Variants in PHEX observed in about 807,000 individuals in gnomAD.
The protein encoded by PHEX is phosphate regulating endopeptidase X-linked.
Under a neutral mutation model 68.0 loss-of-function variants are expected in PHEX, and 16 were observed. That is an observed-to-expected ratio of 0.24 (90% CI 0.16 to 0.36). The LOEUF (loss-of-function observed/expected upper bound fraction) is 0.36. PHEX is among the 10% of genes least tolerant of loss of function. The pLI is 1.00. For synonymous variants in PHEX, 208 were observed against 205.1 expected (o/e 1.01, Z -0.12); for missense variants, 480 against 575.5 (o/e 0.83, Z 1.70).
At chrX:22,241,321 G>A (rs1372421586) in intron 20 of PHEX, among the ~76,000 whole-genome samples, 1 of 112,234 alleles carries the variant, frequency 8.9e-6, no homozygotes. Context: ...ACAAGAGAAA[G>A]CAGGAAAGAT....
chrX:22,170,456 A>T (rs779618014), intron 13 of PHEX, among the ~76,000 whole-genome samples: 1 of 111,571 alleles, frequency 9.0e-6, no homozygotes, highest in Non-Finnish European at 1.9e-5. Context: ...GCCTTTCTTC[A>T]TCTGAAGAAT....
chrX:22,152,815 G>A (rs1444194885), intron 12 of PHEX, among the ~76,000 whole-genome samples: 1 of 111,703 alleles, frequency 9.0e-6, no homozygotes. Context: ...TAACACAGAT[G>A]TGTGTATGTT....
chrX:22,176,034 A>G (rs1274342240), intron 13 of PHEX, among the ~76,000 whole-genome samples: 1 of 111,458 alleles, frequency 9.0e-6, no homozygotes, highest in African/African-American at 3.3e-5. Flanking sequence ...TTCTATAACA[A>G]GGTGCTTACT....
At position 22,227,518 on chromosome X, in the gene PHEX, A is replaced by G; in HGVS notation, c.1977A>G (p.Lys659=). ...GLREAFRAYR[K]WINDRRQGLE... ...TCTTCTCTCACCAGGCTTACAGGAA[A>G]TGGATAAATGACAGAAGGCAGGGAC... The change falls in exon 20 of 22, where the codon AAA becomes AAG. Residue 659 remains lysine (K), a synonymous_variant. Transcript: ENST00000379374. The G allele has an allele frequency of 8.3e-7, 1 of 1,199,107 alleles. No homozygotes were observed.
chrX:22,238,236 G>A (rs1004411540), intron 20 of PHEX, among the ~76,000 whole-genome samples: 12 of 112,374 alleles, frequency 1.1e-4, no homozygotes, highest in Non-Finnish European at 1.5e-4. Context: ...TGAGGTACCC[G>A]GTTCATCTCA....
At chrX:22,144,749 GA>G (rs56273956) in intron 12 of PHEX, among the ~76,000 whole-genome samples, 132 of 97,837 alleles carry the variant, frequency 1.3e-3, no homozygotes, top group Non-Finnish European at 1.6e-3. Context: ...TCTTTTTTTT[GA>G]AAAAAAAAAA....
rs185034806 is a variant in PHEX at position 22,178,841 on chromosome X, T to C, written c.1586+465T>C. On this transcript the variant is annotated intron_variant, in intron 14 of 21. Coordinates refer to ENST00000379374, the MANE Select transcript of PHEX (RefSeq NM_000444.6). ...TGATAGCTATATTGTTTTTATCTAA[T>C]AGCAGTTATGATTTATTTGCCTTCC... Among the ~76,000 whole-genome samples, 66 of 112,143 alleles carry C rather than the reference T, an allele frequency of 5.9e-4. 1 individual carries two copies. The highest frequency in any genetic ancestry group is 2.0e-3 in the African/African-American group (63 of 30,950).
At chrX:22,157,074 G>C (rs1461781137) in intron 12 of PHEX, among the ~76,000 whole-genome samples, 1 of 111,400 alleles carries the variant, frequency 9.0e-6, no homozygotes, top group African/African-American at 3.3e-5. Flanking sequence ...GTAGAGACAG[G>C]GTTTTACCAT....
chrX:22,226,618 T>TATTA lies in PHEX; in HGVS notation c.1965+111_1965+114dup. The TATTA allele has an allele frequency of 4.9e-6, 3 of 607,964 alleles. No homozygotes were observed. In the East Asian group the frequency reaches 9.7e-5, roughly 20 times the overall value. The allele number at this position is 607,964 out of a possible 1,213,427, so 50.1% of individuals were successfully genotyped here. ...GTTCTTGAGGAGTTAGTTAGTTAGA[T>TATTA]ATTATGGAATTTCTGTAAATAGAAG... On this transcript the variant is annotated intron_variant, in intron 19 of 21. Transcript: ENST00000379374.
intron 3 of PHEX, among the ~76,000 whole-genome samples, chrX:22,050,787 C>T (rs1927795127): frequency 1.8e-5 from 2 of 111,003 alleles, no homozygotes; most frequent in African/African-American, 6.6e-5. Flanking sequence ...GCCTCTTTGC[C>T]ATTTATCAAG....
chrX:22,221,887 C>A, intron 18 of PHEX, 144 bp downstream of exon 18: 1 of 557,307 alleles, frequency 1.8e-6, no homozygotes, highest in Non-Finnish European at 3.1e-6. Context: ...TTGAGTCCTA[C>A]CCCATACCTG....
chrX:22,125,549 A>G (rs754297194), intron 11 of PHEX, among the ~76,000 whole-genome samples: 1 of 111,083 alleles, frequency 9.0e-6, no homozygotes, highest in Non-Finnish European at 1.9e-5. Flanking sequence ...CTATATTTTT[A>G]AACCATTCCA....
At chrX:22,062,043 A>T (rs768086304) in intron 3 of PHEX, among the ~76,000 whole-genome samples, 3 of 111,133 alleles carry the variant, frequency 2.7e-5, no homozygotes, top group Non-Finnish European at 5.7e-5. Flanking sequence ...AAAACCATCA[A>T]ATCTCTTGAG....
chrX:22,042,477 C>T (rs1045416729), intron 2 of PHEX, among the ~76,000 whole-genome samples: 13 of 111,906 alleles, frequency 1.2e-4, no homozygotes, highest in African/African-American at 4.2e-4. Context: ...TTATACTAGT[C>T]GTGAGAATAA....
At chrX:22,038,134 A>G (rs891800158) in intron 1 of PHEX, among the ~76,000 whole-genome samples, 3 of 110,646 alleles carry the variant, frequency 2.7e-5, no homozygotes, top group Non-Finnish European at 5.7e-5. Flanking sequence ...TTTCTGAGTC[A>G]AGATCTTGGA....
At chrX:22,119,598 T>A (rs759879059) in intron 11 of PHEX, among the ~76,000 whole-genome samples, 20 of 104,239 alleles carry the variant, frequency 1.9e-4, no homozygotes, top group Admixed American at 3.1e-4. Flanking sequence ...TTCTTTTTCT[T>A]TTTTTTTTTT....
In PHEX at chrX:22,248,809, T is replaced by A. The variant is rs1288099980; in HGVS notation, c.*856T>A. On this transcript the variant is annotated 3_prime_UTR_variant, in exon 22 of 22. Transcript: ENST00000379374. ...TGTCTGTCTGCTAGACACTTTTTTT[T>A]AGCCTAATTCTTGTTCGTTTCATTA... is the stretch of plus-strand genomic sequence containing the variant. 1 of 111,925 alleles carries A rather than the reference T, an allele frequency of 8.9e-6. No homozygotes were observed. Among genetic ancestry groups the A allele is most frequent in the Non-Finnish European group, 1.9e-5 (1 of 53,221 alleles). The allele number at this position is 111,925 out of a possible 1,213,427, so 9.2% of individuals were successfully genotyped here. A position where few individuals can be genotyped will look rare whatever the true frequency, so the allele number is the denominator to read the frequency against.
intron 3 of PHEX, among the ~76,000 whole-genome samples, chrX:22,049,309 T>C (rs748036033): frequency 1.7e-3 from 190 of 109,342 alleles, no homozygotes; most frequent in Middle Eastern, 0.014. Flanking sequence ...AGATGGGGTT[T>C]CACCATGTTG....
intron 20 of PHEX, among the ~76,000 whole-genome samples, chrX:22,240,312 T>G (rs1356237675): frequency 8.9e-6 from 1 of 112,046 alleles, no homozygotes; most frequent in Non-Finnish European, 1.9e-5. Flanking sequence ...ATCAACACTA[T>G]GAAGAAACTG....
Sources: gnomAD v4.1 joint callset for allele counts (sites outside exome capture counted in the v4.1 genomes callset) on GRCh38, gnomAD v4.1.1 for gene constraint, MANE v1.5 for transcripts, NCBI Gene and HGNC (gene_info 2026-07-23, HGNC 2026-07-21) for gene names.